The following BRIP1 variants were observed in gnomAD, a reference collection of about 807,000 sequenced individuals.
The protein encoded by BRIP1 is Fanconi anemia group J protein.
In BRIP1, 88 loss-of-function variants were observed where a neutral mutation model predicts 119.7. The ratio of observed to expected loss-of-function variants is 0.74; its 90% confidence interval spans 0.62 to 0.88. The LOEUF (loss-of-function observed/expected upper bound fraction) is 0.88, where lower values mean the gene tolerates loss of function less well. Among genes scored for constraint, BRIP1 ranks in the 40% least tolerant of loss-of-function variants. The pLI is 0.00. For synonymous variants in BRIP1, 443 were observed against 496.5 expected (o/e 0.89, Z 1.43); for missense variants, 1,259 against 1,455.4 (o/e 0.87, Z 2.20).
At position 61,745,585 on chromosome 17, in the gene BRIP1, T is replaced by A. The variant is rs2077047875; in HGVS notation, c.2098-994A>T. On this transcript the variant is annotated intron_variant, in intron 14 of 19. Transcript: ENST00000259008. This position sits in a 1 kb window ranked among gnomAD's most constrained non-coding sequence, Gnocchi z 4.4. ...GATCCTGCTTTGTTGCCCAGGCTAG[T>A]CTCAAACTTCTGGTCTCAAGGGATC... Among the ~76,000 whole-genome samples, 1 of 152,170 alleles carries A rather than the reference T, an allele frequency of 6.6e-6. No homozygotes were observed. The highest frequency in any genetic ancestry group is 2.4e-5 in the African/African-American group (1 of 41,424).
In BRIP1 at chr17:61,753,604, T is replaced by A. The variant is rs1298730152; in HGVS notation, c.2098-9013A>T. ...GCAAGAAAATCTTATTTCCTCTCCA[T>A]TTTTTTTTTTTTTTAGAGATGGGAT... is the stretch of plus-strand genomic sequence containing the variant. On this transcript the variant is annotated intron_variant, in intron 14 of 19. Transcript: ENST00000259008. This position sits in a 1 kb window ranked among gnomAD's most constrained non-coding sequence, Gnocchi z 4.6. 8.4e-6 allele frequency among the ~76,000 whole-genome samples: 1 copy of A among 119,012 alleles called. No homozygotes were observed. Among genetic ancestry groups the A allele is most frequent in the African/African-American group, 2.9e-5 (1 of 34,618 alleles). The allele number at this position is 119,012 out of a possible 152,430, so 78.1% of individuals were successfully genotyped here.
In BRIP1 at chr17:61,726,541, T is replaced by C. The variant is rs1220769918; in HGVS notation, c.2380-10478A>G. On this transcript the variant is annotated intron_variant, in intron 16 of 19. Transcript: ENST00000259008. The surrounding 1 kb of genome is among the most constrained non-coding windows in gnomAD (Gnocchi z 6.2). ...TCTGAAAGAGCTCTGACTACATTAT[T>C]CAATGTTTGGCACATAACTTTAGGT... Among the ~76,000 whole-genome samples, 1 of 152,184 alleles carries C rather than the reference T, an allele frequency of 6.6e-6. No homozygotes were observed. The highest frequency in any genetic ancestry group is 1.5e-5 in the Non-Finnish European group (1 of 68,032).
rs552996672 is a variant in BRIP1 at position 61,748,864 on chromosome 17, G to A, written c.2098-4273C>T. Among the ~76,000 whole-genome samples the A allele has an allele frequency of 8.8e-4, 134 of 152,288 alleles. No individual in the cohort carries two copies. The highest frequency in any genetic ancestry group is 1.4e-3 in the Non-Finnish European group (95 of 68,020). On this transcript the variant is annotated intron_variant, in intron 14 of 19. Coordinates refer to ENST00000259008, the MANE Select transcript of BRIP1 (RefSeq NM_032043.3). This position sits in a 1 kb window ranked among gnomAD's most constrained non-coding sequence, Gnocchi z 4.7. ...TAAGATTTCAAACTGTTGGCTGGGCGCAGTGGCTCATGCCTGTAATCCCAG... is the reference window on the plus strand; with the variant it reads ...TAAGATTTCAAACTGTTGGCTGGGCACAGTGGCTCATGCCTGTAATCCCAG...
Position 61,687,110 on chromosome 17 carries a change from C to T in BRIP1, c.2576-945G>A, listed in dbSNP as rs1280801925. On this transcript the variant is annotated intron_variant, in intron 18 of 19. Transcript: ENST00000259008. This position sits in a 1 kb window ranked among gnomAD's most constrained non-coding sequence, Gnocchi z 5.1. ...AATTTTTAGGCTGAGTGTGGTGGCT[C>T]ACATGTATAATCCCAGCATTTGGGG... Among the ~76,000 whole-genome samples the T allele has an allele frequency of 6.6e-6, 1 of 151,928 alleles. No individual in the cohort carries two copies. The highest frequency in any genetic ancestry group is 2.4e-5 in the African/African-American group (1 of 41,320).
At position 61,793,597 on chromosome 17, in the gene BRIP1, C is replaced by T. The variant is rs2145238730; in HGVS notation, c.1473G>A (p.Gln491=). Residue 491 remains glutamine, a splice_region_variant and synonymous_variant, in exon 10 of 20, where the codon CAG becomes CAA. Transcript: ENST00000259008. The surrounding 1 kb of genome is among the most constrained non-coding windows in gnomAD (Gnocchi z 5.2). The part of the protein sequence containing the change: ...GITTATFPIL[Q]GHFSAVLQKE... ...TTCACAGGTAGAAAAAATATCTTACCTGCAAAATGGGAAAAGTAGCAGTGG... is the reference window on the plus strand; with the variant it reads ...TTCACAGGTAGAAAAAATATCTTACTTGCAAAATGGGAAAAGTAGCAGTGG... 1 of 1,602,952 alleles carries T rather than the reference C, an allele frequency of 6.2e-7. No individual in the cohort carries two copies. Among genetic ancestry groups the T allele is most frequent in the Non-Finnish European group, 8.5e-7 (1 of 1,174,182 alleles).
chr17:61,726,424 G>T lies in BRIP1; in HGVS notation c.2380-10361C>A, dbSNP rs1027868460. 1.3e-5 allele frequency among the ~76,000 whole-genome samples: 2 copies of T among 152,148 alleles called. No homozygotes were observed. The highest frequency in any genetic ancestry group is 6.5e-5 in the Admixed American group (1 of 15,274). ...TGCTGTCGTAATATATTGCTGCATG[G>T]TATGTGAAATAAGCCATAAGGCTGT... On this transcript the variant is annotated intron_variant, in intron 16 of 19. Coordinates refer to ENST00000259008, the MANE Select transcript of BRIP1 (RefSeq NM_032043.3). The surrounding 1 kb of genome is among the most constrained non-coding windows in gnomAD (Gnocchi z 6.2).
chr17:61,791,867 T>C (rs1482875830), intron 10 of BRIP1, among the ~76,000 whole-genome samples: 1 of 152,236 alleles, frequency 6.6e-6, no homozygotes, highest in Non-Finnish European at 1.5e-5. Context: ...TTTTGCCATT[T>C]GCAACAACAT....
At chr17:61,838,474 A>C (rs2078607612) in intron 6 of BRIP1, among the ~76,000 whole-genome samples, 1 of 151,854 alleles carries the variant, frequency 6.6e-6, no homozygotes, top group African/African-American at 2.4e-5. Flanking sequence ...TGAACCCAGG[A>C]GGCGGAACTT....
Position 61,856,729 on chromosome 17 carries a change from C to T in BRIP1, c.379+329G>A, listed in dbSNP as rs566570150. Among the ~76,000 whole-genome samples the T allele has an allele frequency of 1.3e-5, 2 of 152,244 alleles. No homozygotes were observed. Among genetic ancestry groups the T allele is most frequent in the Admixed American group, 6.5e-5 (1 of 15,300 alleles). On this transcript the variant is annotated intron_variant, in intron 4 of 19. Coordinates refer to ENST00000259008, the MANE Select transcript of BRIP1 (RefSeq NM_032043.3). This position sits in a 1 kb window ranked among gnomAD's most constrained non-coding sequence, Gnocchi z 5.1. ...GCTAATTAGATTTCGTCTTAGGATA[C>T]AAACATTGTTTTATAGAATTCTAAC...
Position 61,689,409 on chromosome 17 carries a change from G to T in BRIP1, c.2576-3244C>A, listed in dbSNP as rs2061414495. Among the ~76,000 whole-genome samples the T allele has an allele frequency of 6.6e-6, 1 of 152,208 alleles. No homozygotes were observed. The highest frequency in any genetic ancestry group is 2.1e-4 in the South Asian group (1 of 4,816). On this transcript the variant is annotated intron_variant, in intron 18 of 19. Coordinates refer to ENST00000259008, the MANE Select transcript of BRIP1 (RefSeq NM_032043.3). This position sits in a 1 kb window ranked among gnomAD's most constrained non-coding sequence, Gnocchi z 4.5. Reference sequence around the variant, plus strand: ...GGAAAAAAAAAAGTGAAGGCTTATGGCTTCATTTATGACTTGACTTATGGG... The same window carrying T: ...GGAAAAAAAAAAGTGAAGGCTTATGTCTTCATTTATGACTTGACTTATGGG...
intron 6 of BRIP1, among the ~76,000 whole-genome samples, chr17:61,840,733 A>C (rs567463105): frequency 2.6e-5 from 4 of 152,350 alleles, no homozygotes; most frequent in African/African-American, 9.6e-5. Flanking sequence ...TAGAAAGAAC[A>C]ATCCTAAGAT....
intron 14 of BRIP1, among the ~76,000 whole-genome samples, chr17:61,747,747 T>A (rs2077076984): frequency 2.0e-5 from 3 of 152,154 alleles, no homozygotes; most frequent in South Asian, 2.1e-4. Flanking sequence ...TTAATTAATT[T>A]ATTTTTGAGA....
chr17:61,682,998 GGT>G lies in BRIP1; in HGVS notation c.*296_*297del. The G allele has an allele frequency of 3.0e-6, 1 of 335,474 alleles. No individual in the cohort carries two copies. Among genetic ancestry groups the G allele is most frequent in the African/African-American group, 2.2e-5 (1 of 46,464 alleles). 20.8% of individuals were successfully genotyped at this position (335,474 alleles called of 1,614,324 possible). ...AATACAAAAACTAGCTGGGCATGGT[GGT>G]GCACACCTGTAGTCCCAGCTACTCA... On this transcript the variant is annotated 3_prime_UTR_variant, in exon 20 of 20. Transcript: ENST00000259008. This position sits in a 1 kb window ranked among gnomAD's most constrained non-coding sequence, Gnocchi z 4.9.
chr17:61,698,734 G>A (rs1289015458), intron 17 of BRIP1, among the ~76,000 whole-genome samples: 1 of 149,862 alleles, frequency 6.7e-6, no homozygotes, highest in Non-Finnish European at 1.5e-5. Context: ...TTTTTTTTGA[G>A]ACAGGGTCTT....
rs567689104 is a variant in BRIP1 at position 61,748,768 on chromosome 17, A to G, written c.2098-4177T>C. ...TTCAGGGCAAACAATATCCACATGC[A>G]AAAGAATAAAACTGGACCTTTATCT... On this transcript the variant is annotated intron_variant, in intron 14 of 19. Coordinates refer to ENST00000259008, the MANE Select transcript of BRIP1 (RefSeq NM_032043.3). The surrounding 1 kb of genome is among the most constrained non-coding windows in gnomAD (Gnocchi z 4.7). Among the ~76,000 whole-genome samples the G allele has an allele frequency of 2.0e-5, 3 of 152,362 alleles. No homozygotes were observed. The highest frequency in any genetic ancestry group is 7.2e-5 in the African/African-American group (3 of 41,588).
rs915612127 is a variant in BRIP1, at chr17:61,701,803, A to G, written c.2493-8291T>C. On this transcript the variant is annotated intron_variant, in intron 17 of 19. Coordinates refer to ENST00000259008, the MANE Select transcript of BRIP1 (RefSeq NM_032043.3). The surrounding 1 kb of genome is among the most constrained non-coding windows in gnomAD (Gnocchi z 5.1). ...GCTGGGTGAGCTCTGAGTCAGGTCA[A>G]ATAAAGATAGCCTTGTGAGTGGGGT... Among the ~76,000 whole-genome samples the G allele has an allele frequency of 1.3e-5, 2 of 152,178 alleles. No individual in the cohort carries two copies. The highest frequency in any genetic ancestry group is 4.8e-5 in the African/African-American group (2 of 41,436).
chr17:61,811,569 G>A (rs1429949459), intron 6 of BRIP1, among the ~76,000 whole-genome samples: 1 of 151,886 alleles, frequency 6.6e-6, no homozygotes, highest in Non-Finnish European at 1.5e-5. Context: ...GGTATAAGGT[G>A]GAAATTAAAA....
chr17:61,759,650 A>G lies in BRIP1; in HGVS notation c.2098-15059T>C, dbSNP rs2077249084. ...ACCACCACAATAAAGCAAATATCACAATAAAGTGAGTCATACATTTTTGTT... is the reference window on the plus strand; with the variant it reads ...ACCACCACAATAAAGCAAATATCACGATAAAGTGAGTCATACATTTTTGTT... On this transcript the variant is annotated intron_variant, in intron 14 of 19. Transcript: ENST00000259008. This position sits in a 1 kb window ranked among gnomAD's most constrained non-coding sequence, Gnocchi z 4.9. Among the ~76,000 whole-genome samples the G allele has an allele frequency of 6.6e-6, 1 of 152,118 alleles. No homozygotes were observed. Among genetic ancestry groups the G allele is most frequent in the South Asian group, 2.1e-4 (1 of 4,830 alleles).
In BRIP1 at chr17:61,735,839, G is replaced by A. The variant is rs545436492; in HGVS notation, c.2379+7174C>T. Reference sequence around the variant, plus strand: ...AAAAGACTGCCTCTTGGATGGATTAGGAAGAACCTCAGTCCTACAACCACA... The same window carrying A: ...AAAAGACTGCCTCTTGGATGGATTAAGAAGAACCTCAGTCCTACAACCACA... On this transcript the variant is annotated intron_variant, in intron 16 of 19. Coordinates refer to ENST00000259008, the MANE Select transcript of BRIP1 (RefSeq NM_032043.3). This position sits in a 1 kb window ranked among gnomAD's most constrained non-coding sequence, Gnocchi z 4.4. Among the ~76,000 whole-genome samples the A allele has an allele frequency of 6.6e-6, 1 of 151,886 alleles. No individual in the cohort carries two copies. Among genetic ancestry groups the A allele is most frequent in the South Asian group, 2.1e-4 (1 of 4,806 alleles).
Sources: gnomAD v4.1 joint callset for allele counts (sites outside exome capture counted in the v4.1 genomes callset) on GRCh38, gnomAD v4.1.1 for gene constraint, Gnocchi (gnomAD v3.1) non-coding constraint, MANE v1.5 for transcripts, NCBI Gene and HGNC (gene_info 2026-07-23, HGNC 2026-07-21) for gene names.